FHIT: variants seen among roughly 807,000 people sequenced by gnomAD.
FHIT encodes bis(5'-adenosyl)-triphosphatase.
Under a neutral mutation model 17.9 loss-of-function variants are expected in FHIT, and 19 were observed. That is an observed-to-expected ratio of 1.06 (90% confidence interval 0.74 to 1.56). FHIT has a LOEUF of 1.56. Among genes scored for constraint, FHIT ranks in the 40% most tolerant of loss-of-function variants. FHIT has a pLI of 0.00. For missense variants in FHIT, 248 were observed against 189.2 expected, an observed-to-expected ratio of 1.31 and a Z score of -1.82; for synonymous variants, 81 against 69.7, an observed-to-expected ratio of 1.16 and a Z score of -0.81.
chr3:60,976,096 C>CTTTTTTTTTTTTTTTTTTTTTTTTT lies in FHIT; in HGVS notation c.-111+65926_-111+65950dup, dbSNP rs869239307. ...CTTTGTATCTTTCGTTTTTCTTTTTCTTTTTTTTTTTTTTTTTTTTTTTTT... is the reference window on the plus strand; with the variant it reads ...CTTTGTATCTTTCGTTTTTCTTTTTCTTTTTTTTTTTTTTTTTTTTTTTTTTTTTTTTTTTTTTTTTTTTTTTTTT... On this transcript the variant is annotated intron_variant, in intron 3 of 9. Coordinates refer to ENST00000492590, the MANE Select transcript of FHIT (RefSeq NM_002012.4). Among the ~76,000 whole-genome samples the CTTTTTTTTTTTTTTTTTTTTTTTTT allele has an allele frequency of 1.3e-3, 90 of 66,788 alleles. 13 individuals are homozygous for CTTTTTTTTTTTTTTTTTTTTTTTTT. Among genetic ancestry groups the CTTTTTTTTTTTTTTTTTTTTTTTTT allele is most frequent in the Non-Finnish European group, 1.6e-3 (61 of 38,282 alleles). 43.8% of individuals were successfully genotyped at this position (66,788 alleles called of 152,430 possible).
At chr3:59,835,538 T>C (rs1033064937) in intron 8 of FHIT, among the ~76,000 whole-genome samples, 1 of 152,138 alleles carries the variant, frequency 6.6e-6, no homozygotes, top group Non-Finnish European at 1.5e-5. Flanking sequence ...ATGAGTGAGC[T>C]TGTTCTAGGA....
intron 5 of FHIT, among the ~76,000 whole-genome samples, chr3:60,460,835 A>G (rs537795145): frequency 6.6e-5 from 10 of 152,370 alleles, no homozygotes; most frequent in African/African-American, 1.9e-4. Flanking sequence ...CAGATGGCCC[A>G]TAACAGCTAA....
intron 2 of FHIT, among the ~76,000 whole-genome samples, chr3:61,171,617 C>G (rs990156086): frequency 6.6e-6 from 1 of 152,164 alleles, no homozygotes. Context: ...TATTGGCCAC[C>G]AACCTCACTA....
Position 59,747,342 on chromosome 3 carries a change from C to T in FHIT, c.*2243G>A, listed in dbSNP as rs914869187. Among the ~76,000 whole-genome samples, 5 of 152,032 alleles carry T rather than the reference C, an allele frequency of 3.3e-5. No individual in the cohort carries two copies. Among genetic ancestry groups the T allele is most frequent in the African/African-American group, 1.2e-4 (5 of 41,394 alleles). ...GGAGGAAGGCAAAAGAGGAGCAAAG[C>T]CACATCTTACATGGCAGCAGGCAAG... On this transcript the variant is annotated 3_prime_UTR_variant, in exon 10 of 10. Transcript: ENST00000492590.
intron 5 of FHIT, among the ~76,000 whole-genome samples, chr3:60,295,244 C>G (rs1206507373): frequency 6.6e-6 from 1 of 151,926 alleles, no homozygotes; most frequent in African/African-American, 2.4e-5. Context: ...CTGGGCAACA[C>G]AGAAAAAGAA....
At chr3:61,099,060 A>G (rs531491170) in intron 2 of FHIT, among the ~76,000 whole-genome samples, 132 of 152,284 alleles carry the variant, frequency 8.7e-4, no homozygotes, top group Non-Finnish European at 1.5e-3. Flanking sequence ...TCTGTTTGCC[A>G]TAGGTGGCTC....
At chr3:61,245,175 A>C (rs2040460092) in intron 1 of FHIT, among the ~76,000 whole-genome samples, 1 of 152,208 alleles carries the variant, frequency 6.6e-6, no homozygotes, top group African/African-American at 2.4e-5. Context: ...ATTGACAATG[A>C]TAAGAATAAA....
intron 4 of FHIT, among the ~76,000 whole-genome samples, chr3:60,543,746 T>C (rs926618347): frequency 1.1e-4 from 17 of 151,646 alleles, no homozygotes; most frequent in African/African-American, 4.1e-4. Flanking sequence ...TTTTTTGTTG[T>C]TGTTTTGTTT....
chr3:61,076,329 T>C (rs1222897692), intron 2 of FHIT, among the ~76,000 whole-genome samples: 1 of 152,154 alleles, frequency 6.6e-6, no homozygotes, highest in African/African-American at 2.4e-5. Flanking sequence ...AATATAATAG[T>C]CTTTCATAAT....
At chr3:61,135,828 T>G (rs1012323877) in intron 2 of FHIT, among the ~76,000 whole-genome samples, 1 of 152,146 alleles carries the variant, frequency 6.6e-6, no homozygotes, top group Non-Finnish European at 1.5e-5. Flanking sequence ...TAAAGATGTT[T>G]AGATATAGAA....
chr3:60,065,254 T>C (rs892710584), intron 5 of FHIT, among the ~76,000 whole-genome samples: 2 of 152,172 alleles, frequency 1.3e-5, no homozygotes, highest in Non-Finnish European at 2.9e-5. Context: ...CTAGAATGCT[T>C]AGTACTTAAA....
intron 5 of FHIT, among the ~76,000 whole-genome samples, chr3:60,157,824 G>A (rs1486192551): frequency 9.0e-6 from 1 of 111,082 alleles, no homozygotes; most frequent in Non-Finnish European, 2.0e-5. Flanking sequence ...AGATCGGGCA[G>A]ATTCAGTGAC....
At chr3:60,721,439 A>T (rs1458392556) in intron 4 of FHIT, among the ~76,000 whole-genome samples, 1 of 152,182 alleles carries the variant, frequency 6.6e-6, no homozygotes, top group African/African-American at 2.4e-5. Context: ...GAAAAACAAC[A>T]TAGAATGCAG....
At chr3:60,957,516 C>A (rs1038364729) in intron 3 of FHIT, among the ~76,000 whole-genome samples, 1 of 151,542 alleles carries the variant, frequency 6.6e-6, no homozygotes, top group Non-Finnish European at 1.5e-5. Flanking sequence ...GGATTACAGG[C>A]GTGAGCCATG....
intron 8 of FHIT, among the ~76,000 whole-genome samples, chr3:59,828,938 T>C (rs199711470): frequency 6.6e-6 from 1 of 151,932 alleles, no homozygotes; most frequent in Non-Finnish European, 1.5e-5. Context: ...TTTTGTATTA[T>C]GTAAATTTTC....
rs548591370 is a variant in FHIT, at chr3:60,697,568, T to G, written c.-18+124351A>C. Among the ~76,000 whole-genome samples the G allele has an allele frequency of 3.9e-5, 6 of 152,318 alleles. No homozygotes were observed. The South Asian group carries it at 1.2e-3, about 32-fold the overall frequency. On this transcript the variant is annotated intron_variant, in intron 4 of 9. Coordinates refer to ENST00000492590, the MANE Select transcript of FHIT (RefSeq NM_002012.4). ...CAGATTTAACTGGGCATCCTGAATT[T>G]TATCTGGCAATTGTAAACCAATCAG...
intron 5 of FHIT, among the ~76,000 whole-genome samples, chr3:60,256,791 C>G (rs899670516): frequency 5.9e-5 from 9 of 152,136 alleles, no homozygotes; most frequent in Non-Finnish European, 1.2e-4. Context: ...CTCCTAATCT[C>G]CTTAATATCT....
intron 5 of FHIT, among the ~76,000 whole-genome samples, chr3:60,084,922 T>A (rs1397479388): frequency 2.0e-5 from 3 of 152,194 alleles, no homozygotes; most frequent in African/African-American, 7.2e-5. Flanking sequence ...TTCAGGCATC[T>A]TCTGTTATCA....
chr3:60,517,005 T>A (rs1160226018), intron 5 of FHIT, among the ~76,000 whole-genome samples: 1 of 152,160 alleles, frequency 6.6e-6, no homozygotes, highest in Non-Finnish European at 1.5e-5. Flanking sequence ...TCAAAACCCT[T>A]TCATGTTCAA....
Sources: allele counts gnomAD v4.1 joint callset (sites outside exome capture counted in the v4.1 genomes callset), GRCh38; gene constraint gnomAD v4.1.1; transcripts MANE v1.5; gene names NCBI Gene and HGNC (gene_info 2026-07-23, HGNC 2026-07-21).